LRRTM4: variants seen among roughly 807,000 people sequenced by gnomAD.
LRRTM4 encodes leucine rich repeat transmembrane neuronal 4.
In LRRTM4, 25 loss-of-function variants were observed where a neutral mutation model predicts 47.6. That is an observed-to-expected ratio of 0.53 (90% confidence interval 0.38 to 0.73). The LOEUF (loss-of-function observed/expected upper bound fraction) is 0.73. LRRTM4 is among the 30% of genes least tolerant of loss of function. The pLI, the probability that LRRTM4 is intolerant of heterozygous loss-of-function variation, is 0.00. For synonymous variants in LRRTM4, 311 were observed against 269.5 expected (o/e 1.15, Z -1.51); for missense variants, 638 against 713.4 (o/e 0.89, Z 1.20).
chr2:77,162,234 G>T (rs529817832), intron 3 of LRRTM4, among the ~76,000 whole-genome samples: 2 of 152,296 alleles, frequency 1.3e-5, no homozygotes, highest in Non-Finnish European at 2.9e-5. Context: ...TAGTACAGCA[G>T]TCTGAGATTA....
chr2:76,979,523 C>A (rs1329499731), intron 3 of LRRTM4, among the ~76,000 whole-genome samples: 2 of 97,226 alleles, frequency 2.1e-5, no homozygotes, highest in African/African-American at 1.3e-4. Flanking sequence ...CTAATTCAGA[C>A]TGCAAAACTG....
At chr2:77,448,024 C>T (rs1052965385) in intron 3 of LRRTM4, among the ~76,000 whole-genome samples, 2 of 151,984 alleles carry the variant, frequency 1.3e-5, no homozygotes, top group African/African-American at 2.4e-5. Context: ...ATGAGTGAAC[C>T]ATGGGGACAA....
At chr2:77,015,982 T>G (rs1678054192) in intron 3 of LRRTM4, among the ~76,000 whole-genome samples, 1 of 152,040 alleles carries the variant, frequency 6.6e-6, no homozygotes, top group African/African-American at 2.4e-5. Context: ...CTCAGGAGGC[T>G]GAGGCAAGAG....
chr2:77,004,166 C>G (rs1677543387), intron 3 of LRRTM4, among the ~76,000 whole-genome samples: 1 of 152,186 alleles, frequency 6.6e-6, no homozygotes. Context: ...GGGAGAAATT[C>G]AAGCCTTCAG....
chr2:77,097,619 T>C (rs931872891), intron 3 of LRRTM4, among the ~76,000 whole-genome samples: 3 of 151,956 alleles, frequency 2.0e-5, no homozygotes, highest in Non-Finnish European at 4.4e-5. Context: ...AGAAGTCATA[T>C]TGGAAATTAG....
chr2:76,915,897 CTT>C lies in LRRTM4; in HGVS notation c.1552-166983_1552-166982del, dbSNP rs559553722. Among the ~76,000 whole-genome samples the C allele has an allele frequency of 4.2e-3, 642 of 152,054 alleles. 1 individual carries two copies. Among genetic ancestry groups the C allele is most frequent in the African/African-American group, 0.015 (621 of 41,480 alleles). ...AGATTATTAAATAATAAGTAATAAACTTTGTGAGGAAATATTTATTGGTGAAC... is the reference window on the plus strand; with the variant it reads ...AGATTATTAAATAATAAGTAATAAACTGTGAGGAAATATTTATTGGTGAAC... On this transcript the variant is annotated intron_variant, in intron 3 of 3. Transcript: ENST00000409884.
Position 76,997,276 on chromosome 2 carries a change from C to A in LRRTM4, c.1552-248360G>T, listed in dbSNP as rs892281667. On this transcript the variant is annotated intron_variant, in intron 3 of 3. Coordinates refer to ENST00000409884, the MANE Select transcript of LRRTM4 (RefSeq NM_001134745.3). Reference sequence around the variant, plus strand: ...CCTGATTTTTTTCTTGATTCTCATGCAGTTCAAATACAGCAGTAGAGCTCA... The same window carrying A: ...CCTGATTTTTTTCTTGATTCTCATGAAGTTCAAATACAGCAGTAGAGCTCA... Among the ~76,000 whole-genome samples, 3 of 152,064 alleles carry A rather than the reference C, an allele frequency of 2.0e-5. No homozygotes were observed. The South Asian group carries it at 6.2e-4, about 32-fold the overall frequency.
At chr2:77,060,729 C>T (rs929537562) in intron 3 of LRRTM4, among the ~76,000 whole-genome samples, 1 of 151,972 alleles carries the variant, frequency 6.6e-6, no homozygotes, top group Non-Finnish European at 1.5e-5. Flanking sequence ...CAGTTCTTAC[C>T]TTGGGTAAGT....
At position 77,085,287 on chromosome 2, in the gene LRRTM4, T is replaced by C. The variant is rs185374511; in HGVS notation, c.1552-336371A>G. ...ATAGTAAGCCTTTTATTTTTGGACA[T>C]TTCTTACCTACAAGAGTGATCCACT... On this transcript the variant is annotated intron_variant, in intron 3 of 3. Transcript: ENST00000409884. Among the ~76,000 whole-genome samples, 3 of 152,052 alleles carry C rather than the reference T, an allele frequency of 2.0e-5. No individual in the cohort carries two copies. In the East Asian group the frequency reaches 5.8e-4, roughly 29 times the overall value.
intron 3 of LRRTM4, among the ~76,000 whole-genome samples, chr2:77,152,326 C>CT (rs1672451253): frequency 6.6e-6 from 1 of 151,968 alleles, no homozygotes; most frequent in African/African-American, 2.4e-5. Flanking sequence ...CATATCTTCA[C>CT]TTTTTTGTAT....
chr2:77,099,908 G>A (rs1321204731), intron 3 of LRRTM4, among the ~76,000 whole-genome samples: 3 of 152,086 alleles, frequency 2.0e-5, no homozygotes, highest in Non-Finnish European at 4.4e-5. Context: ...TTTTGTGAGT[G>A]TGGAGTGTGA....
chr2:77,433,148 A>C (rs1675452264), intron 3 of LRRTM4, among the ~76,000 whole-genome samples: 2 of 152,178 alleles, frequency 1.3e-5, no homozygotes. Flanking sequence ...TGGAAATTAA[A>C]TTTCTTAAAA....
intron 3 of LRRTM4, among the ~76,000 whole-genome samples, chr2:77,272,835 C>G (rs139243276): frequency 9.9e-5 from 15 of 152,228 alleles, no homozygotes; most frequent in African/African-American, 3.4e-4. Flanking sequence ...AGCATATGAG[C>G]CAGTTTAACC....
chr2:77,042,849 T>G (rs1679083536), intron 3 of LRRTM4, among the ~76,000 whole-genome samples: 1 of 151,694 alleles, frequency 6.6e-6, no homozygotes, highest in African/African-American at 2.4e-5. Context: ...CCTCTCCCAC[T>G]CTTCTTAGAC....
chr2:77,091,424 G>A (rs980679901), intron 3 of LRRTM4, among the ~76,000 whole-genome samples: 2 of 148,756 alleles, frequency 1.3e-5, no homozygotes, highest in Non-Finnish European at 2.9e-5. Flanking sequence ...CTACAGCATG[G>A]CCTTTTAAAA....
chr2:77,263,288 C>T (rs947844512), intron 3 of LRRTM4, among the ~76,000 whole-genome samples: 9 of 152,032 alleles, frequency 5.9e-5, no homozygotes, highest in South Asian at 2.1e-4. Flanking sequence ...TCCCTATTTA[C>T]GTCCTTTGCA....
chr2:76,953,287 C>T (rs1675558400), intron 3 of LRRTM4, among the ~76,000 whole-genome samples: 1 of 151,836 alleles, frequency 6.6e-6, no homozygotes, highest in Non-Finnish European at 1.5e-5. Flanking sequence ...GAACACTGAT[C>T]TAACAACAGT....
At chr2:77,419,470 C>T in intron 3 of LRRTM4, among the ~76,000 whole-genome samples, 1 of 152,070 alleles carries the variant, frequency 6.6e-6, no homozygotes, top group Non-Finnish European at 1.5e-5. Flanking sequence ...TTAATCATCT[C>T]TAGATTACTT....
chr2:77,517,030 A>G, intron 3 of LRRTM4: 1 of 984,804 alleles, frequency 1.0e-6, no homozygotes, highest in Non-Finnish European at 1.2e-6. Context: ...ATCAGATACT[A>G]AAACATTATA....
Sources: gnomAD v4.1 joint callset for allele counts (sites outside exome capture counted in the v4.1 genomes callset) on GRCh38, gnomAD v4.1.1 for gene constraint, MANE v1.5 for transcripts, NCBI Gene and HGNC (gene_info 2026-07-23, HGNC 2026-07-21) for gene names.